Variants in PDE1C observed in about 807,000 individuals in gnomAD.
PDE1C encodes the protein phosphodiesterase 1C.
In PDE1C, 62 loss-of-function variants were observed where a neutral mutation model predicts 93.1. The ratio of observed to expected loss-of-function variants is 0.67; its 90% confidence interval spans 0.54 to 0.82. The LOEUF is 0.82. Ranked by LOEUF, PDE1C falls within the 40% of genes least tolerant of loss-of-function variation. The pLI, the probability that PDE1C is intolerant of heterozygous loss-of-function variation, is 0.00. For missense variants in PDE1C, 742 were observed against 884.6 expected (o/e 0.84, Z 2.04); for synonymous variants, 325 against 310.1 (o/e 1.05, Z -0.50).
intron 16 of PDE1C, chr7:31,786,911 AT>A (rs1784022606): frequency 3.5e-5 from 1 of 28,672 alleles, no homozygotes; most frequent in Non-Finnish European, 8.3e-5. Context: ...CTATCTATCT[AT>A]CTATCTATCT....
intron 3 of PDE1C, among the ~76,000 whole-genome samples, chr7:31,880,373 G>A (rs1356708934): frequency 6.6e-6 from 1 of 152,128 alleles, no homozygotes; most frequent in Non-Finnish European, 1.5e-5. Context: ...TTTACTAATG[G>A]ACATTATGAA....
chr7:31,972,047 C>T (rs560687628), intron 2 of PDE1C, among the ~76,000 whole-genome samples: 1 of 152,274 alleles, frequency 6.6e-6, no homozygotes, highest in South Asian at 2.1e-4. Flanking sequence ...TCTTGCCTAA[C>T]CCTGGCTGAT....
intron 2 of PDE1C, among the ~76,000 whole-genome samples, chr7:31,957,285 T>A (rs1808276462): frequency 6.6e-6 from 1 of 151,898 alleles, no homozygotes; most frequent in Non-Finnish European, 1.5e-5. Context: ...TTCCTCCTAC[T>A]GTGGGCATTA....
chr7:32,407,370 G>T (rs1041527216), intron 1 of PDE1C, among the ~76,000 whole-genome samples: 5 of 152,172 alleles, frequency 3.3e-5, no homozygotes, highest in Non-Finnish European at 5.9e-5. Context: ...ACAGAGGGAA[G>T]AACAGCCTCC....
intron 1 of PDE1C, among the ~76,000 whole-genome samples, chr7:32,326,056 G>GAA (rs142837148): frequency 1.4e-5 from 2 of 148,130 alleles, no homozygotes; most frequent in East Asian, 2.0e-4. Context: ...CGGTTGTGAG[G>GAA]AAAAAAAAAA....
At chr7:32,271,017 A>G (rs976763448) in intron 1 of PDE1C, among the ~76,000 whole-genome samples, 4 of 152,130 alleles carry the variant, frequency 2.6e-5, no homozygotes, top group African/African-American at 9.7e-5. Context: ...GGGAGCCTGT[A>G]ATCCCAGCTA....
intron 2 of PDE1C, among the ~76,000 whole-genome samples, chr7:31,947,875 A>C (rs1248215902): frequency 6.6e-6 from 1 of 152,214 alleles, no homozygotes; most frequent in African/African-American, 2.4e-5. Flanking sequence ...TTCTGATACT[A>C]GGCAGATTTA....
chr7:31,729,402 G>A, the PDE1C span, among the ~76,000 whole-genome samples: 1 of 152,208 alleles, frequency 6.6e-6, no homozygotes, highest in African/African-American at 2.4e-5. Context: ...AGCCTGAAGA[G>A]GGGGCACTTA....
intron 2 of PDE1C, among the ~76,000 whole-genome samples, chr7:32,174,722 A>C (rs11773052): frequency 0.017 from 2,592 of 152,258 alleles, 35 homozygotes; most frequent in Non-Finnish European, 0.028. Flanking sequence ...AAAAAAGAAA[A>C]GAAAGATTTT....
chr7:32,391,856 G>A (rs1044909468), intron 1 of PDE1C, among the ~76,000 whole-genome samples: 1 of 151,924 alleles, frequency 6.6e-6, no homozygotes, highest in Admixed American at 6.6e-5. Flanking sequence ...AGAGGAAAAT[G>A]TATAGCTTTA....
chr7:32,361,580 G>C (rs1784137556), intron 1 of PDE1C, among the ~76,000 whole-genome samples: 1 of 152,164 alleles, frequency 6.6e-6, no homozygotes, highest in Non-Finnish European at 1.5e-5. Flanking sequence ...CTGGGCCTTT[G>C]CTCTCCTTGT....
chr7:32,294,230 C>T (rs373114798), intron 1 of PDE1C, among the ~76,000 whole-genome samples: 10 of 152,336 alleles, frequency 6.6e-5, no homozygotes, highest in Admixed American at 3.3e-4. Context: ...TGTTTTTCCT[C>T]CTCTGGTACA....
chr7:31,694,542 C>G, the PDE1C span, among the ~76,000 whole-genome samples: 1 of 152,098 alleles, frequency 6.6e-6, no homozygotes, highest in African/African-American at 2.4e-5. Context: ...CAGCTTGACT[C>G]CATTTAACCG....
At chr7:31,860,663 ATTTG>A (rs1182620911) in intron 7 of PDE1C, among the ~76,000 whole-genome samples, 2 of 152,084 alleles carry the variant, frequency 1.3e-5, no homozygotes. Context: ...TACTTCATTA[ATTTG>A]TTTATGATGC....
At chr7:32,318,905 C>T (rs1783226937) in intron 1 of PDE1C, among the ~76,000 whole-genome samples, 1 of 152,166 alleles carries the variant, frequency 6.6e-6, no homozygotes, top group Non-Finnish European at 1.5e-5. Context: ...GACTGAGGTT[C>T]GGGAGGGCTG....
At chr7:32,378,197 G>A (rs1222967953) in intron 1 of PDE1C, among the ~76,000 whole-genome samples, 1 of 152,044 alleles carries the variant, frequency 6.6e-6, no homozygotes, top group African/African-American at 2.4e-5. Context: ...CCTTACTCAG[G>A]CAGATGCAGA....
chr7:31,922,830 G>A (rs10228662), intron 2 of PDE1C, among the ~76,000 whole-genome samples: 54,712 of 151,834 alleles, frequency 0.36, 11,042 homozygotes, highest in East Asian at 0.45. Context: ...TCAAGAATGA[G>A]TTTTATTTTT....
chr7:32,120,285 A>T (rs1287932738), intron 3 of PDE1C, among the ~76,000 whole-genome samples: 1 of 152,216 alleles, frequency 6.6e-6, no homozygotes, highest in East Asian at 1.9e-4. Flanking sequence ...CAGTCTCTGC[A>T]GACCGTCATA....
chr7:32,331,358 T>C (rs1783511441), intron 1 of PDE1C, among the ~76,000 whole-genome samples: 1 of 152,190 alleles, frequency 6.6e-6, no homozygotes. Context: ...GACTGACCCC[T>C]GCCTTCATGG....
Sources: allele counts gnomAD v4.1 joint callset (sites outside exome capture counted in the v4.1 genomes callset), GRCh38; gene constraint gnomAD v4.1.1; transcripts MANE v1.5; gene names NCBI Gene and HGNC (gene_info 2026-07-23, HGNC 2026-07-21).